The following ZFHX3 variants were observed in gnomAD, a reference collection of about 807,000 sequenced individuals.
ZFHX3 encodes the protein zinc finger homeobox 3, also known as zinc finger homeobox protein 3.
A neutral mutation model predicts 279.1 loss-of-function variants in ZFHX3; 42 were observed. The ratio of observed to expected loss-of-function variants is 0.15; its 90% CI spans 0.12 to 0.19. ZFHX3 has a LOEUF of 0.19. Among genes scored for constraint, ZFHX3 ranks in the 10% least tolerant of loss-of-function variants. ZFHX3 has a pLI of 1.00. For synonymous variants in ZFHX3, 2,293 were observed against 1,957.8 expected (o/e 1.17, Z -4.52); for missense variants, 4,981 against 4,754.0 (o/e 1.05, Z -1.40).
Position 73,132,678 on chromosome 16 carries a change from G to A in ZFHX3, c.-1023-1584C>T, listed in dbSNP as rs762505211. Among the ~76,000 whole-genome samples, 5 of 152,258 alleles carry A rather than the reference G, an allele frequency of 3.3e-5. No individual in the cohort carries two copies. The East Asian group carries it at 5.8e-4, about 18-fold the overall frequency. On this transcript the variant is annotated intron_variant, in intron 6 of 17. Transcript: ENST00000641206. Reference sequence around the variant, plus strand: ...TTACAGATCCCATATCCTGTGTCTAGGCTGTATTTCAGGCCAACTTTTAGT... The same window carrying A: ...TTACAGATCCCATATCCTGTGTCTAAGCTGTATTTCAGGCCAACTTTTAGT...
In ZFHX3 at chr16:72,795,584, C is replaced by T. The variant is rs111972276; in HGVS notation, c.7098G>A (p.Glu2366=). The T allele has an allele frequency of 6.2e-7, 1 of 1,614,006 alleles. No individual in the cohort carries two copies. The highest frequency in any genetic ancestry group is 8.5e-7 in the Non-Finnish European group (1 of 1,180,004). The stretch of plus-strand genomic sequence containing the variant: ...GGATTTCCATGGCATCCATGGAATC[C>T]TCATTTTGGCTGTCGTCCTGCCCCT... ...DEEGQDDSQN[E]DSMDAMEILT... Residue 2366 remains glutamate, a synonymous_variant, in exon 9 of 10, where the codon GAG becomes GAA. Coordinates refer to ENST00000268489, the MANE Select transcript of ZFHX3 (RefSeq NM_006885.4).
chr16:73,533,062 A>G (rs535311501), intron 2 of ZFHX3, among the ~76,000 whole-genome samples: 1 of 152,166 alleles, frequency 6.6e-6, no homozygotes, highest in East Asian at 1.9e-4. Flanking sequence ...GGACTAATGC[A>G]CCACCTCATG....
chr16:72,889,675 A>C (rs566144550), intron 4 of ZFHX3, 56 bp downstream of exon 4: 1 of 1,559,954 alleles, frequency 6.4e-7, no homozygotes, highest in Admixed American at 1.8e-5. Context: ...TGGAGGTCTC[A>C]AGGAGGTGAA....
chr16:73,198,292 T>C (rs994621999), intron 5 of ZFHX3, among the ~76,000 whole-genome samples: 28 of 151,990 alleles, frequency 1.8e-4, no homozygotes, highest in Admixed American at 3.9e-4. Flanking sequence ...TGTAAGTCTT[T>C]TAACTGCATG....
chr16:73,065,348 A>G (rs986563374), intron 8 of ZFHX3, among the ~76,000 whole-genome samples: 5 of 152,010 alleles, frequency 3.3e-5, no homozygotes, highest in Non-Finnish European at 5.9e-5. Context: ...GGCTTATTTA[A>G]TGGCCAGGGA....
At chr16:73,868,762 T>C (rs1962094521) in intron 1 of ZFHX3, among the ~76,000 whole-genome samples, 1 of 150,316 alleles carries the variant, frequency 6.7e-6, no homozygotes, top group African/African-American at 2.5e-5. Context: ...CTGAAGGGTT[T>C]CTTTCTTTCT....
chr16:73,714,086 A>G (rs1177187528), intron 1 of ZFHX3, among the ~76,000 whole-genome samples: 2 of 152,120 alleles, frequency 1.3e-5, no homozygotes. Context: ...ACTGGCTACA[A>G]TTATCCACAG....
At chr16:73,401,967 G>A (rs1033330593) in intron 3 of ZFHX3, 1 of 152,208 alleles carries the variant, frequency 6.6e-6, no homozygotes, top group Non-Finnish European at 1.5e-5. Context: ...AGGCAAGTTA[G>A]TAGGACCACC....
At chr16:73,053,281 A>G (rs529206212) in intron 1 of ZFHX3, among the ~76,000 whole-genome samples, 3 of 152,274 alleles carry the variant, frequency 2.0e-5, no homozygotes, top group East Asian at 1.9e-4. Flanking sequence ...AACGGCCTTT[A>G]TATCTACGAA....
intron 1 of ZFHX3, among the ~76,000 whole-genome samples, chr16:73,814,645 T>G (rs148774243): frequency 1.0e-3 from 152 of 151,910 alleles, no homozygotes; most frequent in African/African-American, 3.3e-3. Context: ...TCAGCTCACT[T>G]CAGCCTCTGC....
intron 1 of ZFHX3, among the ~76,000 whole-genome samples, chr16:73,032,545 T>C (rs191005897): frequency 1.2e-4 from 19 of 152,292 alleles, no homozygotes; most frequent in Non-Finnish European, 2.5e-4. Flanking sequence ...AAAACTTCTC[T>C]TCGTCCCCAA....
intron 5 of ZFHX3, among the ~76,000 whole-genome samples, chr16:73,235,838 G>T (rs1366242244): frequency 3.3e-5 from 5 of 151,982 alleles, no homozygotes. Flanking sequence ...GCTAGGCAAA[G>T]TTTCGTATTT....
intron 1 of ZFHX3, among the ~76,000 whole-genome samples, chr16:73,833,602 C>T (rs967176904): frequency 1.3e-5 from 2 of 150,908 alleles, no homozygotes; most frequent in African/African-American, 2.4e-5. Context: ...CAGGGCCTGT[C>T]GGGGGTTGGG....
intron 5 of ZFHX3, among the ~76,000 whole-genome samples, chr16:73,180,093 A>T (rs1967759412): frequency 3.9e-5 from 6 of 152,210 alleles, no homozygotes; most frequent in Admixed American, 3.9e-4. Flanking sequence ...AACTGTATAA[A>T]CAGATTGAAG....
rs1959579335 is a variant in ZFHX3 at position 73,784,674 on chromosome 16, G to C, written c.-1607-104434C>G. 3.3e-5 allele frequency among the ~76,000 whole-genome samples: 5 copies of C among 151,796 alleles called. No individual in the cohort carries two copies. The South Asian group carries it at 1.0e-3, about 32-fold the overall frequency. ...AGGCAGGAAAATTGCTTGAACCCAG[G>C]AGGCAGAGGTTGCAGTGAGCCAAGA... On this transcript the variant is annotated intron_variant, in intron 1 of 17. Transcript: ENST00000641206.
intron 8 of ZFHX3, among the ~76,000 whole-genome samples, chr16:73,077,523 T>C (rs1253061540): frequency 2.0e-5 from 3 of 151,328 alleles, no homozygotes; most frequent in African/African-American, 7.3e-5. Context: ...GCTTCCCTTA[T>C]AAACAACTTT....
intron 1 of ZFHX3, among the ~76,000 whole-genome samples, chr16:73,019,438 C>A (rs1964223628): frequency 6.6e-6 from 1 of 152,176 alleles, no homozygotes; most frequent in South Asian, 2.1e-4. Context: ...GCCACCACAA[C>A]CCTTCCACCA....
intron 2 of ZFHX3, among the ~76,000 whole-genome samples, chr16:73,608,349 T>C (rs1007021150): frequency 1.8e-4 from 27 of 152,156 alleles, no homozygotes; most frequent in African/African-American, 6.5e-4. Flanking sequence ...CATAAGAGAT[T>C]CTAACTCACA....
intron 5 of ZFHX3, chr16:72,829,510 C>G (rs893437245): frequency 2.3e-6 from 1 of 444,216 alleles, no homozygotes; most frequent in East Asian, 3.4e-5. Context: ...TTGGCACTTA[C>G]CTGGATACTC....
Sources: gnomAD v4.1 joint callset for allele counts (sites outside exome capture counted in the v4.1 genomes callset) on GRCh38, gnomAD v4.1.1 for gene constraint, MANE v1.5 for transcripts, NCBI Gene and HGNC (gene_info 2026-07-23, HGNC 2026-07-21) for gene names.